ZNF516: variants seen among roughly 807,000 people sequenced by gnomAD.
The protein encoded by ZNF516 is zinc finger protein 516.
A neutral mutation model predicts 79.7 loss-of-function variants in ZNF516; 19 were observed. The observed-to-expected ratio is 0.24, with a 90% CI of 0.17 to 0.35. ZNF516 has a LOEUF of 0.35. Ranked by LOEUF, ZNF516 falls within the 10% of genes least tolerant of loss-of-function variation. The pLI is 1.00. For synonymous variants in ZNF516, 877 were observed against 739.5 expected, an observed-to-expected ratio of 1.19 and a Z score of -3.02; for missense variants, 1,678 against 1,679.5, an observed-to-expected ratio of 1.00 and a Z score of 0.02.
rs1280938819 is a variant in ZNF516 at position 76,436,599 on chromosome 18, T to C, written c.1810+4646A>G. ...GCTGCAAGGTCAGTGCGCGAAGGTA[T>C]TGTGAGAGCTCCTCCTGCTCTACCT... is the stretch of plus-strand genomic sequence containing the variant. On this transcript the variant is annotated intron_variant, in intron 3 of 6. Coordinates refer to ENST00000443185, the MANE Select transcript of ZNF516 (RefSeq NM_014643.4). 4.9e-4 allele frequency among the ~76,000 whole-genome samples: 74 copies of C among 152,076 alleles called. 1 individual carries two copies. Among genetic ancestry groups the C allele is most frequent in the Non-Finnish European group, 2.9e-5 (2 of 68,014 alleles).
At chr18:76,477,259 T>A (rs184858652) in intron 1 of ZNF516, among the ~76,000 whole-genome samples, 21 of 152,324 alleles carry the variant, frequency 1.4e-4, no homozygotes, top group African/African-American at 5.1e-4. Flanking sequence ...AGAATTCTAG[T>A]TTGTTTCAAT....
In ZNF516 at chr18:76,358,112, T is replaced by C. The variant is rs1007708195; in HGVS notation, c.*4386A>G. The C allele has an allele frequency of 6.6e-6, 1 of 152,128 alleles. No individual in the cohort carries two copies. Among genetic ancestry groups the C allele is most frequent in the African/African-American group, 2.4e-5 (1 of 41,424 alleles). The allele number at this position is 152,128 out of a possible 1,614,324, so 9.4% of individuals were successfully genotyped here. ...TTGGTTTATGTTCAGCCAACAAAAA[T>C]AAATAACCACAGACCAAAGCGGGCT... On this transcript the variant is annotated 3_prime_UTR_variant, in exon 7 of 7. Transcript: ENST00000443185.
At chr18:76,480,910 C>G (rs1914488544) in intron 1 of ZNF516, among the ~76,000 whole-genome samples, 1 of 152,220 alleles carries the variant, frequency 6.6e-6, no homozygotes, top group Non-Finnish European at 1.5e-5. Context: ...ACTCAAATGT[C>G]AAGTGCCCAT....
intron 3 of ZNF516, among the ~76,000 whole-genome samples, chr18:76,383,731 A>G (rs996240472): frequency 6.6e-6 from 1 of 152,246 alleles, no homozygotes; most frequent in Non-Finnish European, 1.5e-5. Context: ...AAACAGCAAA[A>G]GCCTCTAGTG....
Position 76,441,937 on chromosome 18 carries a change from G to C in ZNF516, c.1118C>G (p.Ala373Gly). 1 of 1,609,674 alleles carries C rather than the reference G, an allele frequency of 6.2e-7. No individual in the cohort carries two copies. Among genetic ancestry groups the C allele is most frequent in the Non-Finnish European group, 8.5e-7 (1 of 1,179,036 alleles). ...SRTRAPAEEG[A>G]EGPSDTKQFF... is the part of the protein sequence containing the mutation. ...CTGCTTGGTGTCCGAGGGCCCCTCC[G>C]CCCCCTCCTCGGCCGGGGCGCGCGT... is the stretch of plus-strand genomic sequence containing the variant. Residue 373 changes from alanine to glycine, a missense_variant, in exon 3 of 7, where the codon GCG becomes GGG. Physicochemically the swap from Ala to Gly is moderately conservative, Grantham distance 60. Around this residue, in one of 5 missense-constraint regions of ZNF516, gnomAD observed 1,294 missense variants for 1,248.3 expected, o/e 1.04. Coordinates refer to ENST00000443185, the MANE Select transcript of ZNF516 (RefSeq NM_014643.4).
chr18:76,440,577 G>A (rs888914985), intron 3 of ZNF516, among the ~76,000 whole-genome samples: 1 of 152,214 alleles, frequency 6.6e-6, no homozygotes, highest in African/African-American at 2.4e-5. Flanking sequence ...AGTTGGCCAA[G>A]CATCTTTAAA....
rs1338359061 is a variant in ZNF516 at position 76,463,146 on chromosome 18, A to C, written c.-271-5T>G. Reference sequence around the variant, plus strand: ...CCACTCGGCCTCTCTCAGATTCTGAAATGAGGAAAAGTTTAGTATTCATCT... The same window carrying C: ...CCACTCGGCCTCTCTCAGATTCTGACATGAGGAAAAGTTTAGTATTCATCT... On this transcript the variant is annotated splice_polypyrimidine_tract_variant and splice_region_variant and intron_variant, in intron 1 of 6. Transcript: ENST00000443185. The C allele has an allele frequency of 6.6e-6, 1 of 152,216 alleles. No homozygotes were observed. Among genetic ancestry groups the C allele is most frequent in the Non-Finnish European group, 1.5e-5 (1 of 68,032 alleles). The allele number at this position is 152,216 out of a possible 1,614,324, so 9.4% of individuals were successfully genotyped here.
At chr18:76,440,893 A>ACCATCAACCCTAGAGGTCACAC (rs1363336716) in intron 3 of ZNF516, among the ~76,000 whole-genome samples, 4 of 152,214 alleles carry the variant, frequency 2.6e-5, no homozygotes, top group African/African-American at 9.7e-5. Flanking sequence ...CTCAGGTGAG[A>ACCATCAACCCTAGAGGTCACAC]CCATCAACCC....
chr18:76,448,588 CA>C (rs1463094650), intron 2 of ZNF516, among the ~76,000 whole-genome samples: 1 of 152,190 alleles, frequency 6.6e-6, no homozygotes, highest in Non-Finnish European at 1.5e-5. Context: ...TTCACAAAGC[CA>C]GGGGGTATGT....
intron 4 of ZNF516, among the ~76,000 whole-genome samples, chr18:76,375,374 T>C (rs575440098): frequency 6.7e-5 from 10 of 149,256 alleles, no homozygotes; most frequent in Admixed American, 6.6e-4. Flanking sequence ...AGAGACCAGG[T>C]AGAGAGTGGA....
chr18:76,409,435 T>C (rs690243), intron 3 of ZNF516, among the ~76,000 whole-genome samples: 148,176 of 152,284 alleles, frequency 0.97, 72,120 homozygotes, highest in East Asian at 0.99. Context: ...AATTTGCCAA[T>C]GGAAATTAAA....
At chr18:76,373,965 G>C (rs1035222537) in intron 4 of ZNF516, among the ~76,000 whole-genome samples, 3 of 152,258 alleles carry the variant, frequency 2.0e-5, no homozygotes, top group African/African-American at 7.2e-5. Context: ...GTTGTGTTTG[G>C]AAAGTGGACT....
intron 6 of ZNF516, among the ~76,000 whole-genome samples, chr18:76,365,678 C>T (rs1465321677): frequency 6.6e-6 from 1 of 152,150 alleles, no homozygotes; most frequent in Admixed American, 6.5e-5. Flanking sequence ...ATATTGGAAC[C>T]ATCTTAATCC....
intron 4 of ZNF516, among the ~76,000 whole-genome samples, chr18:76,375,370 C>G (rs1283308427): frequency 6.6e-6 from 1 of 151,596 alleles, no homozygotes; most frequent in Non-Finnish European, 1.5e-5. Flanking sequence ...CCCCAGAGAC[C>G]AGGTAGAGAG....
chr18:76,420,430 AT>A (rs1306437028), intron 3 of ZNF516, among the ~76,000 whole-genome samples: 2 of 152,208 alleles, frequency 1.3e-5, no homozygotes, highest in Non-Finnish European at 2.9e-5. Context: ...CAGGGAGGTC[AT>A]TTGTCAAACT....
chr18:76,407,250 ACC>A (rs2075315387), intron 3 of ZNF516, among the ~76,000 whole-genome samples: 2 of 151,794 alleles, frequency 1.3e-5, no homozygotes, highest in Non-Finnish European at 2.9e-5. Flanking sequence ...GGCAACAGAG[ACC>A]CCATCTCCAC....
rs1444800266 is a variant in ZNF516, at chr18:76,362,434, G to A, written c.*64C>T. ...GCCAGGTCACAGGTGGGAGGCTGCT[G>A]GGACATCGTGAGGGTACTGCTAATG... is the stretch of plus-strand genomic sequence containing the variant. On this transcript the variant is annotated 3_prime_UTR_variant, in exon 7 of 7. Coordinates refer to ENST00000443185, the MANE Select transcript of ZNF516 (RefSeq NM_014643.4). The A allele has an allele frequency of 3.3e-6, 5 of 1,534,868 alleles. No homozygotes were observed. Among genetic ancestry groups the A allele is most frequent in the East Asian group, 2.3e-5 (1 of 43,406 alleles).
intron 3 of ZNF516, among the ~76,000 whole-genome samples, chr18:76,380,670 C>G (rs746539452): frequency 6.6e-6 from 1 of 152,092 alleles, no homozygotes; most frequent in East Asian, 1.9e-4. Flanking sequence ...GTATGACTTT[C>G]GAGGAACTCT....
Position 76,357,946 on chromosome 18 carries a change from G to A in ZNF516, c.*4552C>T, listed in dbSNP as rs374801564. ...TGTGAAAGAAAATGAGAAAAACACA[G>A]CGTCTCCATTAAAAAACTGTATGTC... On this transcript the variant is annotated 3_prime_UTR_variant, in exon 7 of 7. Transcript: ENST00000443185. 7.2e-5 allele frequency among the ~76,000 whole-genome samples: 11 copies of A among 152,280 alleles called. No homozygotes were observed. The highest frequency in any genetic ancestry group is 2.6e-4 in the African/African-American group (11 of 41,550).
Sources: allele counts gnomAD v4.1 joint callset (sites outside exome capture counted in the v4.1 genomes callset), GRCh38; gene constraint gnomAD v4.1.1; regional missense constraint gnomAD v4.1.1; transcripts MANE v1.5; gene names NCBI Gene and HGNC (gene_info 2026-07-23, HGNC 2026-07-21).